SDK1: variants seen among roughly 807,000 people sequenced by gnomAD.
SDK1 encodes protein sidekick-1.
In SDK1, 157 loss-of-function variants were observed where a neutral mutation model predicts 245.5. The ratio of observed to expected loss-of-function variants is 0.64; its 90% CI spans 0.56 to 0.73. The LOEUF is 0.73. SDK1 is among the 30% of genes least tolerant of loss of function. The pLI is 0.00. For synonymous variants in SDK1, 1,647 were observed against 1,278.5 expected, an observed-to-expected ratio of 1.29 and a Z score of -6.15; for missense variants, 3,583 against 3,002.3, an observed-to-expected ratio of 1.19 and a Z score of -4.52.
chr7:3,746,182 T>C (rs1407265728), intron 4 of SDK1, among the ~76,000 whole-genome samples: 1 of 152,270 alleles, frequency 6.6e-6, no homozygotes, highest in Admixed American at 6.5e-5. Flanking sequence ...ATAAAAGTTA[T>C]GTTTATACTA....
chr7:3,971,057 A>G (rs897684360), intron 11 of SDK1, among the ~76,000 whole-genome samples: 5 of 152,230 alleles, frequency 3.3e-5, no homozygotes, highest in African/African-American at 9.6e-5. Context: ...GTCTTGAGGA[A>G]TAAACACAAC....
chr7:3,735,248 G>C (rs1779286856), intron 4 of SDK1, among the ~76,000 whole-genome samples: 1 of 151,976 alleles, frequency 6.6e-6, no homozygotes, highest in Admixed American at 6.6e-5. Flanking sequence ...TGTTCCCATT[G>C]TTGTGCAACC....
At chr7:3,997,984 A>C (rs1031152527) in intron 14 of SDK1, among the ~76,000 whole-genome samples, 11 of 152,214 alleles carry the variant, frequency 7.2e-5, no homozygotes, top group Non-Finnish European at 1.3e-4. Flanking sequence ...CTGGGTCCCC[A>C]AGAGTGCAAG....
chr7:3,975,856 C>T (rs1782887625), intron 13 of SDK1, among the ~76,000 whole-genome samples: 1 of 152,234 alleles, frequency 6.6e-6, no homozygotes, highest in Non-Finnish European at 1.5e-5. Context: ...ACAGAATCAG[C>T]CGGCGGCAGT....
At chr7:4,211,906 A>G (rs150200654) in intron 38 of SDK1, among the ~76,000 whole-genome samples, 5,293 of 151,980 alleles carry the variant, frequency 0.035, 137 homozygotes, top group South Asian at 0.068. Context: ...ACCGTGCCCG[A>G]CCCCTGCTTA....
intron 17 of SDK1, among the ~76,000 whole-genome samples, chr7:4,034,412 T>G (rs1198059915): frequency 6.6e-6 from 1 of 152,216 alleles, no homozygotes; most frequent in Non-Finnish European, 1.5e-5. Context: ...TGAGTGTTCT[T>G]GGAAGTACAT....
At chr7:4,252,326 C>T (rs563159899) in intron 44 of SDK1, among the ~76,000 whole-genome samples, 6 of 151,524 alleles carry the variant, frequency 4.0e-5, no homozygotes, top group East Asian at 3.9e-4. Context: ...TTTGTCCTTG[C>T]GATAGTTTGC....
chr7:3,931,376 G>T (rs892839584), intron 5 of SDK1, among the ~76,000 whole-genome samples: 3 of 152,134 alleles, frequency 2.0e-5, no homozygotes, highest in Middle Eastern at 3.2e-3. Context: ...CTCTGCCATG[G>T]TTTTAGATGA....
At chr7:3,526,664 G>C (rs974239789) in intron 1 of SDK1, among the ~76,000 whole-genome samples, 1 of 152,102 alleles carries the variant, frequency 6.6e-6, no homozygotes, top group Non-Finnish European at 1.5e-5. Flanking sequence ...GTTTCCTGCA[G>C]TCCCATTTAT....
intron 1 of SDK1, among the ~76,000 whole-genome samples, chr7:3,608,705 G>A (rs1781498089): frequency 6.6e-6 from 1 of 152,190 alleles, no homozygotes; most frequent in Admixed American, 6.5e-5. Flanking sequence ...CATGTGTATG[G>A]ATAAGATCCA....
chr7:3,929,057 C>G (rs1475158965), intron 5 of SDK1, among the ~76,000 whole-genome samples: 2 of 152,230 alleles, frequency 1.3e-5, no homozygotes, highest in Non-Finnish European at 2.9e-5. Context: ...TTAGCCTTCC[C>G]CATGTCAACT....
At chr7:3,994,402 G>A (rs1230628790) in intron 14 of SDK1, among the ~76,000 whole-genome samples, 5 of 152,140 alleles carry the variant, frequency 3.3e-5, no homozygotes, top group Non-Finnish European at 7.4e-5. Flanking sequence ...AGTACTTTGG[G>A]AGGCCGAGTC....
chr7:3,592,441 A>G (rs1332594413), intron 1 of SDK1, among the ~76,000 whole-genome samples: 2 of 152,240 alleles, frequency 1.3e-5, no homozygotes, highest in Admixed American at 6.5e-5. Flanking sequence ...GTCTTTTAAT[A>G]GTCCAGATAA....
At chr7:3,827,062 G>A (rs1030551145) in intron 5 of SDK1, among the ~76,000 whole-genome samples, 2 of 152,094 alleles carry the variant, frequency 1.3e-5, no homozygotes, top group Non-Finnish European at 2.9e-5. Flanking sequence ...CTTTTCCCCT[G>A]TGTGATTTAT....
At chr7:3,408,964 T>A (rs1779125664) in intron 1 of SDK1, among the ~76,000 whole-genome samples, 1 of 152,242 alleles carries the variant, frequency 6.6e-6, no homozygotes. Flanking sequence ...AACCAGTTAA[T>A]TAGCTTAAGT....
intron 5 of SDK1, among the ~76,000 whole-genome samples, chr7:3,892,923 G>A (rs1020061313): frequency 4.6e-5 from 7 of 152,170 alleles, no homozygotes; most frequent in East Asian, 3.9e-4. Flanking sequence ...CGAGGATGCC[G>A]TTCTGATCTC....
intron 5 of SDK1, among the ~76,000 whole-genome samples, chr7:3,883,285 A>T (rs1263457364): frequency 6.6e-6 from 1 of 152,244 alleles, no homozygotes; most frequent in Non-Finnish European, 1.5e-5. Flanking sequence ...TAAAAGCTTA[A>T]GGCCTTGTAT....
At chr7:3,474,638 C>T (rs1053663132) in intron 1 of SDK1, among the ~76,000 whole-genome samples, 5 of 152,106 alleles carry the variant, frequency 3.3e-5, no homozygotes, top group African/African-American at 1.2e-4. Context: ...CATGTCTTTC[C>T]ACCTCTAATG....
chr7:3,716,713 G>A (rs1477372204), intron 4 of SDK1, among the ~76,000 whole-genome samples: 4 of 151,004 alleles, frequency 2.6e-5, no homozygotes, highest in African/African-American at 9.7e-5. Context: ...GAGCTATTAC[G>A]GCGCCATTGC....
Sources: allele counts gnomAD v4.1 joint callset (sites outside exome capture counted in the v4.1 genomes callset), GRCh38; gene constraint gnomAD v4.1.1; transcripts MANE v1.5; gene names NCBI Gene and HGNC (gene_info 2026-07-23, HGNC 2026-07-21).